The following CAMTA1 variants were observed in gnomAD, a reference collection of about 807,000 sequenced individuals.
CAMTA1 encodes the protein calmodulin-binding transcription activator 1.
Under a neutral mutation model 170.9 loss-of-function variants are expected in CAMTA1, and 27 were observed. That is an observed-to-expected ratio of 0.16 (90% CI 0.12 to 0.22). The LOEUF (loss-of-function observed/expected upper bound fraction) is 0.22. Ranked by LOEUF, CAMTA1 falls within the 10% of genes least tolerant of loss-of-function variation. The probability of loss-of-function intolerance (pLI) is 1.00; values close to 1 mark genes in which losing one functional copy is unlikely to be tolerated. For missense variants in CAMTA1, 1,619 were observed against 2,217.2 expected (o/e 0.73, Z 5.42); for synonymous variants, 833 against 891.5 (o/e 0.93, Z 1.17).
chr1:7,715,523 C>T (rs2096602975), intron 11 of CAMTA1, among the ~76,000 whole-genome samples: 1 of 151,698 alleles, frequency 6.6e-6, no homozygotes, highest in Non-Finnish European at 1.5e-5. Flanking sequence ...GCCTTGAACT[C>T]CTGGGCTCAA....
intron 6 of CAMTA1, among the ~76,000 whole-genome samples, chr1:7,610,628 T>C (rs1576386145): frequency 1.3e-5 from 2 of 151,890 alleles, no homozygotes; most frequent in Admixed American, 1.3e-4. Context: ...TGCAGGGGGG[T>C]GCCCATCCAT....
At position 7,381,260 on chromosome 1, in the gene CAMTA1, C is replaced by T. The variant is rs969183562; in HGVS notation, c.439-86570C>T. Among the ~76,000 whole-genome samples, 201 of 151,162 alleles carry T rather than the reference C, an allele frequency of 1.3e-3. 1 individual carries two copies. Among genetic ancestry groups the T allele is most frequent in the African/African-American group, 4.6e-3 (191 of 41,120 alleles). ...TGCTGGTGTGCTGCACCCACTAACT[C>T]GTCATCTAGCATTAGGTATATCTCC... On this transcript the variant is annotated intron_variant, in intron 5 of 22. Transcript: ENST00000303635.
chr1:7,153,752 T>C (rs1461794115), intron 4 of CAMTA1, among the ~76,000 whole-genome samples: 1 of 152,188 alleles, frequency 6.6e-6, no homozygotes, highest in Non-Finnish European at 1.5e-5. Flanking sequence ...CACTGCAAGT[T>C]CTTGACCCTC....
intron 5 of CAMTA1, among the ~76,000 whole-genome samples, chr1:7,303,149 C>T (rs1264576270): frequency 6.6e-6 from 1 of 152,174 alleles, no homozygotes; most frequent in Non-Finnish European, 1.5e-5. Flanking sequence ...ACTCACTAAA[C>T]ATTAACTAGT....
chr1:7,053,991 T>C (rs1226207774), intron 3 of CAMTA1, among the ~76,000 whole-genome samples: 1 of 152,258 alleles, frequency 6.6e-6, no homozygotes, highest in Non-Finnish European at 1.5e-5. Flanking sequence ...CTGCTCCTGC[T>C]GCCTCTGCTG....
chr1:7,029,465 G>A (rs56193228), intron 3 of CAMTA1, among the ~76,000 whole-genome samples: 30,998 of 142,216 alleles, frequency 0.22, 3,415 homozygotes, highest in Middle Eastern at 0.28. Flanking sequence ...TCAGTGCCTG[G>A]GTGACAGAGT....
At chr1:7,301,450 G>A (rs997084731) in intron 5 of CAMTA1, among the ~76,000 whole-genome samples, 1 of 152,228 alleles carries the variant, frequency 6.6e-6, no homozygotes, top group African/African-American at 2.4e-5. Context: ...GAGTCTTATA[G>A]TTTCCCAGCC....
At chr1:7,264,314 T>A (rs1373331357) in intron 5 of CAMTA1, among the ~76,000 whole-genome samples, 4 of 152,176 alleles carry the variant, frequency 2.6e-5, no homozygotes, top group Non-Finnish European at 4.4e-5. Flanking sequence ...TCAGTTGTAT[T>A]CTACAAAGGC....
intron 3 of CAMTA1, among the ~76,000 whole-genome samples, chr1:6,902,072 C>CACACACACACACACACAA (rs3986505): frequency 1.1e-5 from 1 of 88,474 alleles, no homozygotes; most frequent in African/African-American, 3.6e-5. Flanking sequence ...CACACACACA[C>CACACACACACACACACAA]AAAAAAAAAA....
chr1:6,964,851 C>T (rs1224679546), intron 3 of CAMTA1, among the ~76,000 whole-genome samples: 4 of 152,176 alleles, frequency 2.6e-5, no homozygotes, highest in Admixed American at 1.3e-4. Flanking sequence ...TATGGAGAGA[C>T]GAGTCAGCTG....
chr1:7,727,279 C>T (rs953386503), intron 11 of CAMTA1, among the ~76,000 whole-genome samples: 3 of 152,118 alleles, frequency 2.0e-5, no homozygotes, highest in African/African-American at 7.2e-5. Flanking sequence ...CCCGCCACCA[C>T]ACCCGGCTAA....
At chr1:6,812,823 A>G (rs1361046127) in intron 1 of CAMTA1, among the ~76,000 whole-genome samples, 3 of 152,170 alleles carry the variant, frequency 2.0e-5, no homozygotes, top group Admixed American at 6.5e-5. Flanking sequence ...ATATATTGTA[A>G]TATTAGTTCC....
chr1:7,725,957 C>T (rs964929777), intron 11 of CAMTA1, among the ~76,000 whole-genome samples: 1 of 152,102 alleles, frequency 6.6e-6, no homozygotes, highest in Non-Finnish European at 1.5e-5. Flanking sequence ...GCGGGTGGGT[C>T]ACACACAGAC....
intron 4 of CAMTA1, among the ~76,000 whole-genome samples, chr1:7,169,657 A>C (rs1320484190): frequency 2.0e-5 from 3 of 152,128 alleles, no homozygotes; most frequent in Admixed American, 2.0e-4. Flanking sequence ...GACTACAGGC[A>C]TGCACCACCA....
intron 3 of CAMTA1, among the ~76,000 whole-genome samples, chr1:7,058,722 G>T (rs1314155628): frequency 6.6e-6 from 1 of 152,154 alleles, no homozygotes; most frequent in East Asian, 1.9e-4. Context: ...GAACATAGAG[G>T]CCAGGACTTA....
intron 4 of CAMTA1, among the ~76,000 whole-genome samples, chr1:7,099,016 C>T (rs750312847): frequency 7.9e-5 from 12 of 152,264 alleles, no homozygotes; most frequent in Middle Eastern, 3.4e-3. Flanking sequence ...TAGACAGCTA[C>T]GACCTGTGGC....
chr1:7,098,903 C>G (rs1230181030), intron 4 of CAMTA1, among the ~76,000 whole-genome samples: 1 of 152,106 alleles, frequency 6.6e-6, no homozygotes, highest in Non-Finnish European at 1.5e-5. Flanking sequence ...TGGCCTCCAT[C>G]CCACCCCTCC....
chr1:7,433,536 G>A (rs909134080), intron 5 of CAMTA1, among the ~76,000 whole-genome samples: 2 of 152,192 alleles, frequency 1.3e-5, no homozygotes, highest in African/African-American at 4.8e-5. Flanking sequence ...CAATGGCAAG[G>A]TGAAGCCACT....
intron 11 of CAMTA1, among the ~76,000 whole-genome samples, chr1:7,704,637 C>T (rs1195026055): frequency 6.7e-6 from 1 of 149,010 alleles, no homozygotes; most frequent in African/African-American, 2.4e-5. Context: ...CCGATTGGAC[C>T]ACGCGGCCTG....
Sources: allele counts gnomAD v4.1 joint callset (sites outside exome capture counted in the v4.1 genomes callset), GRCh38; gene constraint gnomAD v4.1.1; transcripts MANE v1.5; gene names NCBI Gene and HGNC (gene_info 2026-07-23, HGNC 2026-07-21).